Variants in NPHP4 observed in about 807,000 individuals in gnomAD.
The protein encoded by NPHP4 is nephrocystin-4.
A neutral mutation model predicts 155.8 loss-of-function variants in NPHP4; 151 were observed. The observed-to-expected ratio is 0.97, with a 90% confidence interval of 0.85 to 1.11. NPHP4 has a LOEUF of 1.11. NPHP4 is among the 50% of genes least tolerant of loss of function. The pLI, the probability that NPHP4 is intolerant of heterozygous loss-of-function variation, is 0.00. For synonymous variants in NPHP4, 845 were observed against 816.8 expected (o/e 1.03, Z -0.59); for missense variants, 1,956 against 1,925.7 (o/e 1.02, Z -0.29).
chr1:5,973,796 C>T (rs1653019398), intron 3 of NPHP4, among the ~76,000 whole-genome samples: 1 of 152,218 alleles, frequency 6.6e-6, no homozygotes, highest in Non-Finnish European at 1.5e-5. Context: ...GCAGTGGTTT[C>T]CATTGTGCCA....
intron 3 of NPHP4, among the ~76,000 whole-genome samples, chr1:5,970,280 G>A (rs1652327629): frequency 2.6e-5 from 4 of 152,152 alleles, no homozygotes; most frequent in Admixed American, 2.0e-4. Context: ...CAAGGCAGGA[G>A]GATCACTTGA....
chr1:5,905,625 A>C lies in NPHP4; in HGVS notation c.1763+7T>G, dbSNP rs758656859. The C allele has an allele frequency of 9.9e-6, 16 of 1,613,660 alleles. No homozygotes were observed. The highest frequency in any genetic ancestry group is 1.4e-5 in the Non-Finnish European group (16 of 1,179,778). On this transcript the variant is annotated splice_region_variant and intron_variant, in intron 14 of 29. Coordinates refer to ENST00000378156, the MANE Select transcript of NPHP4 (RefSeq NM_015102.5). This position sits in a 1 kb window ranked among gnomAD's most constrained non-coding sequence, Gnocchi z 4.0. ...CTGGTTCCATCCCACCCAGACCCAC[A>C]CCTCACCTCCTGGTCTGGGTTCCCA...
intron 2 of NPHP4, 82 bp from the exon 3 acceptor site, chr1:5,978,495 TG>T: frequency 7.5e-7 from 1 of 1,326,182 alleles, no homozygotes; most frequent in Admixed American, 2.0e-5. Flanking sequence ...TGGGTGCATA[TG>T]GGGCCACCTC....
In NPHP4 at chr1:5,944,633, G is replaced by C. The variant is rs1646991646; in HGVS notation, c.1119+2471C>G. Among the ~76,000 whole-genome samples the C allele has an allele frequency of 6.6e-6, 1 of 152,186 alleles. No homozygotes were observed. The highest frequency in any genetic ancestry group is 1.5e-5 in the Non-Finnish European group (1 of 68,040). On this transcript the variant is annotated intron_variant, in intron 9 of 29. Coordinates refer to ENST00000378156, the MANE Select transcript of NPHP4 (RefSeq NM_015102.5). This position sits in a 1 kb window ranked among gnomAD's most constrained non-coding sequence, Gnocchi z 4.3. ...AAAGCGCACTTGATGACAGTAAAGT[G>C]GAATCCAGTATTCCCAGTTACAATC... is the stretch of plus-strand genomic sequence containing the variant.
intron 5 of NPHP4, among the ~76,000 whole-genome samples, chr1:5,963,961 T>A (rs2102173855): frequency 6.6e-6 from 1 of 152,306 alleles, no homozygotes; most frequent in Admixed American, 6.5e-5. Context: ...GTGCTGGGAT[T>A]ACAGGCGTGA....
At chr1:5,989,584 C>G (rs997592040) in intron 1 of NPHP4, among the ~76,000 whole-genome samples, 1 of 152,226 alleles carries the variant, frequency 6.6e-6, no homozygotes, top group African/African-American at 2.4e-5. Flanking sequence ...CGGAACCAAA[C>G]AGAAGCTTTA....
At chr1:5,934,462 A>C (rs1646432820) in intron 9 of NPHP4, among the ~76,000 whole-genome samples, 1 of 152,082 alleles carries the variant, frequency 6.6e-6, no homozygotes, top group Non-Finnish European at 1.5e-5. Context: ...CAGGAGAAAC[A>C]ACCCCCAAGC....
intron 11 of NPHP4, among the ~76,000 whole-genome samples, chr1:5,909,613 T>C (rs1417563924): frequency 1.3e-5 from 2 of 152,140 alleles, no homozygotes. Context: ...GCTGTTTTGT[T>C]AACCGAGAAG....
intron 23 of NPHP4, among the ~76,000 whole-genome samples, chr1:5,871,387 C>G (rs934387549): frequency 6.6e-6 from 1 of 152,130 alleles, no homozygotes; most frequent in Non-Finnish European, 1.5e-5. Flanking sequence ...TCATGAGACG[C>G]CGCAAACATG....
At chr1:5,935,646 G>A (rs181688981) in intron 9 of NPHP4, among the ~76,000 whole-genome samples, 19 of 152,278 alleles carry the variant, frequency 1.2e-4, no homozygotes, top group African/African-American at 4.1e-4. Context: ...AGGTCGAGGC[G>A]GGTGGATCAC....
rs778799531 is a variant in NPHP4 at position 5,875,015 on chromosome 1, G to A, written c.2903C>T (p.Ala968Val). ...GGTGATGGCCAGGCTCAGCAGGCTG[G>A]CGATGCTCTCGGCCTTCGTGCGTTC... ...YRERTKAESI[A>V]SLLSLAITTE... The change falls in exon 21 of 30, where the codon GCC (alanine) becomes GTC (valine). Residue 968 changes from alanine to valine, a missense_variant. Physicochemically the swap from Ala to Val is moderately conservative, Grantham distance 64 (BLOSUM62 0). Transcript: ENST00000378156. The A allele has an allele frequency of 1.9e-6, 3 of 1,611,436 alleles. No individual in the cohort carries two copies. The highest frequency in any genetic ancestry group is 2.5e-6 in the Non-Finnish European group (3 of 1,179,868).
chr1:5,868,838 C>CCACA (rs919138102), intron 23 of NPHP4, among the ~76,000 whole-genome samples: 2 of 124,016 alleles, frequency 1.6e-5, no homozygotes, highest in Non-Finnish European at 3.4e-5. Flanking sequence ...ACACACGCAC[C>CCACA]CACACACGCA....
rs3747992 is a variant in NPHP4 at position 5,877,108 on chromosome 1, G to A, written c.2802C>T (p.Arg934=). 629,577 of 1,575,438 alleles carry A rather than the reference G, an allele frequency of 0.4. 129,927 individuals are homozygous for A. The highest frequency in any genetic ancestry group is 0.75 in the East Asian group (32,647 of 43,708). Residue 934 remains arginine, a synonymous_variant, in exon 20 of 30, where the codon CGC becomes CGT. Coordinates refer to ENST00000378156, the MANE Select transcript of NPHP4 (RefSeq NM_015102.5). The part of the protein sequence containing the change: ...LQEAGGDLGR[R]GTSVLAQQSV... ...AAACCCTTACCAACACGCTCGTCCCGCGCCGGCCCAAGTCTCCCCCGGCCT... is the reference window on the plus strand; with the variant it reads ...AAACCCTTACCAACACGCTCGTCCCACGCCGGCCCAAGTCTCCCCCGGCCT...
intron 1 of NPHP4, among the ~76,000 whole-genome samples, chr1:5,987,539 C>T (rs2102467108): frequency 6.6e-6 from 1 of 152,194 alleles, no homozygotes; most frequent in Non-Finnish European, 1.5e-5. Context: ...TGAGTGAGGT[C>T]CTCCCAACCT....
At chr1:5,907,303 C>G in intron 12 of NPHP4, 81 bp from the exon 13 acceptor site, 1 of 876,830 alleles carries the variant, frequency 1.1e-6, no homozygotes, top group African/African-American at 1.7e-5. Flanking sequence ...ACTGGCCACA[C>G]CGGGGAACGG....
At chr1:5,960,081 T>C (rs1650022846) in intron 6 of NPHP4, among the ~76,000 whole-genome samples, 1 of 152,168 alleles carries the variant, frequency 6.6e-6, no homozygotes, top group Non-Finnish European at 1.5e-5. Context: ...GGTTTTCATG[T>C]TCTCTTTGCT....
chr1:5,868,957 A>G (rs1641641276), intron 23 of NPHP4, among the ~76,000 whole-genome samples: 1 of 123,308 alleles, frequency 8.1e-6, no homozygotes, highest in Non-Finnish European at 1.7e-5. Context: ...CACACACACA[A>G]TGCACACACA....
At position 5,957,716 on chromosome 1, in the gene NPHP4, C is replaced by A. The variant is rs375200618; in HGVS notation, c.673+4078G>T. Among the ~76,000 whole-genome samples, 72 of 149,448 alleles carry A rather than the reference C, an allele frequency of 4.8e-4. 2 individuals are homozygous for A. The highest frequency in any genetic ancestry group is 1.5e-3 in the African/African-American group (59 of 40,018). ...AGCAGAATGCACCTCAAAAACAAGA[C>A]CGCTGCAACAGTGGGATATTTAATT... On this transcript the variant is annotated intron_variant, in intron 6 of 29. Coordinates refer to ENST00000378156, the MANE Select transcript of NPHP4 (RefSeq NM_015102.5).
intron 12 of NPHP4, among the ~76,000 whole-genome samples, chr1:5,907,708 G>GATA: frequency 1.3e-5 from 2 of 151,886 alleles, no homozygotes; most frequent in East Asian, 1.9e-4. Context: ...GCATTACCGT[G>GATA]GAGTGCCCGC....
Sources: allele counts gnomAD v4.1 joint callset (sites outside exome capture counted in the v4.1 genomes callset), GRCh38; gene constraint gnomAD v4.1.1; non-coding constraint Gnocchi (gnomAD v3.1); transcripts MANE v1.5; gene names NCBI Gene and HGNC (gene_info 2026-07-23, HGNC 2026-07-21).